ZNF611: variants seen among roughly 807,000 people sequenced by gnomAD.
The protein encoded by ZNF611 is zinc finger protein 611.
A neutral mutation model predicts 8.9 loss-of-function variants in ZNF611; 6 were observed. That is an observed-to-expected ratio of 0.68 (90% confidence interval 0.37 to 1.34). The LOEUF (loss-of-function observed/expected upper bound fraction) is 1.34. ZNF611 is among the 40% of genes most tolerant of loss of function. The probability of loss-of-function intolerance (pLI) is 0.02; values close to 1 mark genes in which losing one functional copy is unlikely to be tolerated. For synonymous variants in ZNF611, 262 were observed against 279.7 expected (o/e 0.94, Z 0.63); for missense variants, 874 against 841.3 (o/e 1.04, Z -0.48).
intron 3 of ZNF611, among the ~76,000 whole-genome samples, chr19:52,726,149 GC>G (rs1426420197): frequency 2.6e-5 from 4 of 152,166 alleles, no homozygotes; most frequent in Non-Finnish European, 5.9e-5. Flanking sequence ...TCCACCCTGT[GC>G]TCAGCTTCAG....
intron 3 of ZNF611, chr19:52,723,795 T>C (rs2062374894): frequency 6.6e-6 from 1 of 152,114 alleles, no homozygotes. Context: ...AGGGTAATGG[T>C]GGGGAGAAGG....
At chr19:52,721,806 C>T (rs2062362045) in intron 3 of ZNF611, among the ~76,000 whole-genome samples, 2 of 151,824 alleles carry the variant, frequency 1.3e-5, no homozygotes, top group African/African-American at 2.4e-5. Flanking sequence ...CTCTTGTTGC[C>T]CACACTGAAG....
Position 52,729,900 on chromosome 19 carries a change from A to G in ZNF611, c.-122+6T>C, listed in dbSNP as rs920531094. 2 of 152,216 alleles carry G rather than the reference A, an allele frequency of 1.3e-5. No individual in the cohort carries two copies. Among genetic ancestry groups the G allele is most frequent in the African/African-American group, 4.8e-5 (2 of 41,454 alleles). The allele number at this position is 152,216 out of a possible 1,614,324, so 9.4% of individuals were successfully genotyped here. A position where few individuals can be genotyped will look rare whatever the true frequency, so the allele number is the denominator to read the frequency against. ...ACAGCATTATAAGGAATAAGAACTG[A>G]CTAACCATGTCGGAGGGTGCAATTA... On this transcript the variant is annotated splice_donor_region_variant and intron_variant, in intron 2 of 5. Transcript: ENST00000652185.
chr19:52,726,974 G>A (rs993591226), intron 3 of ZNF611, among the ~76,000 whole-genome samples: 3 of 151,828 alleles, frequency 2.0e-5, no homozygotes, highest in Non-Finnish European at 4.4e-5. Flanking sequence ...GAAGCTATTC[G>A]TCTGCCTCAG....
At chr19:52,730,104 A>G (rs2062416058) in intron 1 of ZNF611, 99 bp from the exon 2 acceptor site, 1 of 152,124 alleles carries the variant, frequency 6.6e-6, no homozygotes, top group Non-Finnish European at 1.5e-5. Context: ...CATAAAAAAC[A>G]TGATGTAGGC....
intron 1 of ZNF611, among the ~76,000 whole-genome samples, chr19:52,730,391 CAAAAAAAAAAAAAAAA>C (rs1159350274): frequency 5.4e-5 from 4 of 73,562 alleles, no homozygotes; most frequent in African/African-American, 1.5e-4. Context: ...GACTCCGTCT[CAAAAAAAAAAAAAAAA>C]AAAAAAAAAA....
rs745849744 is a variant in ZNF611, at chr19:52,706,868, C to T, written c.191-4G>A. On this transcript the variant is annotated splice_polypyrimidine_tract_variant and splice_region_variant and intron_variant, in intron 5 of 5. Transcript: ENST00000652185. ...ATCATGCATTTGGAAGAGATATCTACAAAATATAAACACCAATACATTTCC... is the reference window on the plus strand; with the variant it reads ...ATCATGCATTTGGAAGAGATATCTATAAAATATAAACACCAATACATTTCC... The T allele has an allele frequency of 6.1e-5, 98 of 1,606,900 alleles. No homozygotes were observed. The highest frequency in any genetic ancestry group is 7.7e-5 in the Non-Finnish European group (91 of 1,177,456).
rs574098468 is a variant in ZNF611 at position 52,727,887 on chromosome 19, C to T, written c.-20+843G>A. 1.2e-3 allele frequency among the ~76,000 whole-genome samples: 184 copies of T among 148,316 alleles called. 1 individual carries two copies. The highest frequency in any genetic ancestry group is 2.4e-3 in the South Asian group (11 of 4,650). The stretch of plus-strand genomic sequence containing the variant: ...TTAATTTCCTACTGAGACACAGGTA[C>T]TATCTATCTTGTTGTGTGCCTTTTT... On this transcript the variant is annotated intron_variant, in intron 3 of 5. Coordinates refer to ENST00000652185, the MANE Select transcript of ZNF611 (RefSeq NM_001161499.2).
intron 1 of ZNF611, among the ~76,000 whole-genome samples, chr19:52,734,632 C>T (rs978660538): frequency 5.3e-5 from 8 of 151,672 alleles, no homozygotes; most frequent in African/African-American, 1.7e-4. Flanking sequence ...ACTGGGGCTG[C>T]GGCGCGGCGC....
intron 4 of ZNF611, among the ~76,000 whole-genome samples, chr19:52,714,913 G>C (rs1322306660): frequency 1.3e-5 from 2 of 150,312 alleles, no homozygotes; most frequent in East Asian, 4.0e-4. Flanking sequence ...CAGGAGGATC[G>C]CTTGAATCCG....
chr19:52,718,912 C>T (rs752454052), intron 3 of ZNF611, among the ~76,000 whole-genome samples: 1 of 152,198 alleles, frequency 6.6e-6, no homozygotes. Flanking sequence ...GTGGCTCACA[C>T]CTGTAATCCC....
chr19:52,705,956 C>A lies in ZNF611; in HGVS notation c.1099G>T (p.Glu367Ter). 6.2e-7 allele frequency: 1 copy of A among 1,614,146 alleles called. No individual in the cohort carries two copies. Among genetic ancestry groups the A allele is most frequent in the South Asian group, 1.1e-5 (1 of 91,084 alleles). The change falls in exon 6 of 6, where the codon GAG becomes TAG. Residue 367 changes from glutamate (E) to a stop codon, truncating the protein, a stop_gained. Coordinates refer to ENST00000652185, the MANE Select transcript of ZNF611 (RefSeq NM_001161499.2). LOFTEE classifies it low-confidence loss of function (END_TRUNC). ...CATTCTTCACATTTGTAAGGTTTCT[C>A]TCCAGTATGAATTCTATGATGTGAA... is the stretch of plus-strand genomic sequence containing the variant. ...QLSHHRIHTG[E>*]KPYKCEECDK...
intron 5 of ZNF611, 63 bp from the exon 6 acceptor site, chr19:52,706,927 C>T (rs1158311136): frequency 4.0e-5 from 61 of 1,535,860 alleles, no homozygotes; most frequent in Non-Finnish European, 5.1e-5. Flanking sequence ...CACTGAAGTG[C>T]ATAAATATGA....
Position 52,705,926 on chromosome 19 carries a change from T to G in ZNF611, c.1129A>C (p.Lys377Gln), listed in dbSNP as rs200622023. 6.2e-7 allele frequency: 1 copy of G among 1,614,204 alleles called. No homozygotes were observed. The highest frequency in any genetic ancestry group is 2.2e-5 in the East Asian group (1 of 44,882). Residue 377 changes from lysine to glutamine, a missense_variant, in exon 6 of 6, where the codon AAA becomes CAA. Transcript: ENST00000652185. ...EKPYKCEECD[K>Q]VFSRKSTIET... is the part of the protein sequence containing the mutation. ...ATGGTTGATTTCCGACTGAAAACTT[T>G]GTCACATTCTTCACATTTGTAAGGT...
intron 4 of ZNF611, among the ~76,000 whole-genome samples, chr19:52,715,378 C>A (rs1471667072): frequency 2.0e-5 from 3 of 152,170 alleles, no homozygotes; most frequent in Admixed American, 6.5e-5. Flanking sequence ...TTGCTTGAAA[C>A]CAGGAGGCAG....
chr19:52,718,344 T>C (rs549756184), intron 3 of ZNF611, among the ~76,000 whole-genome samples: 1 of 151,034 alleles, frequency 6.6e-6, no homozygotes, highest in East Asian at 2.0e-4. Context: ...AATAAAAATA[T>C]ATATCTAAAC....
intron 3 of ZNF611, 82 bp from the exon 4 acceptor site, chr19:52,715,995 G>A (rs765908645): frequency 1.5e-5 from 23 of 1,519,360 alleles, no homozygotes; most frequent in South Asian, 2.4e-5. Flanking sequence ...CGGGGGAGAC[G>A]TCACCCTGTA....
intron 1 of ZNF611, among the ~76,000 whole-genome samples, chr19:52,731,413 C>T (rs11671808): frequency 0.26 from 39,888 of 151,842 alleles, 5,280 homozygotes; most frequent in Middle Eastern, 0.33. Context: ...CTCTGTTGCC[C>T]AGGCTGGCAT....
At chr19:52,726,357 AC>A (rs1394324203) in intron 3 of ZNF611, among the ~76,000 whole-genome samples, 6 of 151,094 alleles carry the variant, frequency 4.0e-5, no homozygotes, top group Admixed American at 3.3e-4. Context: ...ACAAAGTAAC[AC>A]CCCCTCCCGC....
Sources: gnomAD v4.1 joint callset for allele counts (sites outside exome capture counted in the v4.1 genomes callset) on GRCh38, gnomAD v4.1.1 for gene constraint, MANE v1.5 for transcripts, NCBI Gene and HGNC (gene_info 2026-07-23, HGNC 2026-07-21) for gene names.